CSMD1: variants seen among roughly 807,000 people sequenced by gnomAD.
CSMD1 encodes CUB and Sushi multiple domains 1.
In CSMD1, 213 loss-of-function variants were observed where a neutral mutation model predicts 417.5. The ratio of observed to expected loss-of-function variants is 0.51; its 90% confidence interval spans 0.46 to 0.57. The LOEUF is 0.57. Ranked by LOEUF, CSMD1 falls within the 20% of genes least tolerant of loss-of-function variation. The probability of loss-of-function intolerance (pLI) is 0.00; values close to 1 mark genes in which losing one functional copy is unlikely to be tolerated. For synonymous variants in CSMD1, 2,862 were observed against 1,736.8 expected (o/e 1.65, Z -16.11); for missense variants, 6,923 against 4,529.7 (o/e 1.53, Z -15.17).
chr8:3,348,023 C>T lies in CSMD1; in HGVS notation c.3443G>A (p.Ser1148Asn), dbSNP rs1412556246. ...AGTATCTCCTTCAAACAGCTGGAAG[C>T]TTCGTGTTCTAAGGTGGATGCCCTT... is the stretch of plus-strand genomic sequence containing the variant. ...AGKGIHLRTR[S>N]FQLFEGDTLK... The change falls in exon 22 of 70, where the codon AGC becomes AAC. Residue 1148 changes from serine to asparagine, a missense_variant. Coordinates refer to ENST00000635120, the MANE Select transcript of CSMD1 (RefSeq NM_033225.6). The T allele has an allele frequency of 3.7e-6, 6 of 1,606,306 alleles. No homozygotes were observed. Among genetic ancestry groups the T allele is most frequent in the Non-Finnish European group, 4.3e-6 (5 of 1,176,166 alleles).
chr8:4,640,655 T>C (rs1462256838), intron 1 of CSMD1, among the ~76,000 whole-genome samples: 3 of 152,176 alleles, frequency 2.0e-5, no homozygotes, highest in African/African-American at 7.2e-5. Context: ...AGTGGATTAT[T>C]TTAATTGAAT....
intron 69 of CSMD1, among the ~76,000 whole-genome samples, chr8:2,941,954 G>GA (rs1359752087): frequency 5.3e-5 from 8 of 152,048 alleles, no homozygotes; most frequent in African/African-American, 1.4e-4. Context: ...GAACATGAAA[G>GA]AAAAAAACAT....
At chr8:3,345,423 G>GAACATGGAA (rs1563293715) in intron 22 of CSMD1, among the ~76,000 whole-genome samples, 4 of 151,878 alleles carry the variant, frequency 2.6e-5, no homozygotes, top group African/African-American at 9.7e-5. Context: ...TGTCGTTGAT[G>GAACATGGAA]AACATGGAAC....
chr8:4,385,860 A>T (rs938469367), intron 3 of CSMD1, among the ~76,000 whole-genome samples: 1 of 152,154 alleles, frequency 6.6e-6, no homozygotes, highest in African/African-American at 2.4e-5. Context: ...TGGATATTTA[A>T]AAATATATGC....
chr8:4,259,445 T>A (rs368699791), intron 3 of CSMD1, among the ~76,000 whole-genome samples: 1 of 152,152 alleles, frequency 6.6e-6, no homozygotes, highest in Non-Finnish European at 1.5e-5. Context: ...CCCAGCGCTA[T>A]GAAAATGCCT....
chr8:2,938,780 G>A (rs1346250923), intron 69 of CSMD1, 36 bp from the exon 70 acceptor site: 4 of 1,560,070 alleles, frequency 2.6e-6, no homozygotes, highest in Non-Finnish European at 3.5e-6. Flanking sequence ...TAGAATCCTG[G>A]TTTCATTTGC....
intron 7 of CSMD1, among the ~76,000 whole-genome samples, chr8:3,618,140 C>G (rs1051923837): frequency 5.3e-5 from 8 of 151,978 alleles, no homozygotes; most frequent in Non-Finnish European, 1.0e-4. Context: ...TAGCTGGTAA[C>G]ACAGGCTTGT....
intron 29 of CSMD1, among the ~76,000 whole-genome samples, chr8:3,218,566 T>TAAAAAAA (rs932288704): frequency 7.9e-6 from 1 of 126,690 alleles, no homozygotes; most frequent in Non-Finnish European, 1.6e-5. Flanking sequence ...ATCTCAAAAA[T>TAAAAAAA]AAAAAAAAAA....
chr8:3,687,145 A>G (rs188563313), intron 7 of CSMD1, among the ~76,000 whole-genome samples: 2 of 152,380 alleles, frequency 1.3e-5, no homozygotes, highest in East Asian at 3.9e-4. Flanking sequence ...CAAGCATGAT[A>G]TAAGCATCAC....
intron 5 of CSMD1, among the ~76,000 whole-genome samples, chr8:3,836,316 G>A (rs866698477): frequency 6.6e-6 from 1 of 152,134 alleles, no homozygotes; most frequent in East Asian, 1.9e-4. Flanking sequence ...CAGTTTGCCA[G>A]TTTTGGGTTT....
intron 3 of CSMD1, among the ~76,000 whole-genome samples, chr8:4,349,638 A>G (rs1040795965): frequency 3.3e-5 from 5 of 152,204 alleles, no homozygotes; most frequent in African/African-American, 1.2e-4. Context: ...TCACAATTGC[A>G]TACCTTCATA....
intron 23 of CSMD1, among the ~76,000 whole-genome samples, chr8:3,319,587 T>C (rs1469164730): frequency 2.0e-5 from 3 of 152,168 alleles, no homozygotes; most frequent in East Asian, 3.9e-4. Context: ...CCGCACACAT[T>C]CAACAATAAC....
intron 7 of CSMD1, among the ~76,000 whole-genome samples, chr8:3,629,144 G>C (rs1014573826): frequency 6.6e-6 from 1 of 152,124 alleles, no homozygotes; most frequent in African/African-American, 2.4e-5. Flanking sequence ...AGCAAAGACA[G>C]AAAGAACCCG....
chr8:4,194,220 C>A, intron 3 of CSMD1, among the ~76,000 whole-genome samples: 1 of 152,090 alleles, frequency 6.6e-6, no homozygotes, highest in East Asian at 1.9e-4. Flanking sequence ...TTTCGTCCAG[C>A]AATCAACACT....
intron 3 of CSMD1, among the ~76,000 whole-genome samples, chr8:4,388,511 A>C (rs1803623006): frequency 3.3e-5 from 5 of 151,550 alleles, no homozygotes; most frequent in Admixed American, 1.3e-4. Context: ...GTGAGCATAC[A>C]AAGGGCATAA....
At chr8:4,663,127 G>T (rs902626438) in intron 1 of CSMD1, among the ~76,000 whole-genome samples, 3 of 152,128 alleles carry the variant, frequency 2.0e-5, no homozygotes, top group Non-Finnish European at 4.4e-5. Context: ...AGGACGCCAC[G>T]GAGAAGGGAT....
At chr8:4,495,494 G>A (rs1351098881) in intron 2 of CSMD1, among the ~76,000 whole-genome samples, 1 of 152,038 alleles carries the variant, frequency 6.6e-6, no homozygotes, top group Non-Finnish European at 1.5e-5. Flanking sequence ...AGAATTGCTT[G>A]AACTCAGGAG....
At chr8:4,831,243 C>A (rs1800132762) in intron 1 of CSMD1, among the ~76,000 whole-genome samples, 1 of 152,168 alleles carries the variant, frequency 6.6e-6, no homozygotes. Context: ...GGGAGAATTA[C>A]AAGAGCATAT....
At chr8:4,694,531 G>A (rs112935880) in intron 1 of CSMD1, among the ~76,000 whole-genome samples, 3,340 of 151,232 alleles carry the variant, frequency 0.022, 120 homozygotes, top group African/African-American at 0.077. Flanking sequence ...AATTTTTTTT[G>A]GGGGGGTATT....
Sources: allele counts gnomAD v4.1 joint callset (sites outside exome capture counted in the v4.1 genomes callset), GRCh38; gene constraint gnomAD v4.1.1; transcripts MANE v1.5; gene names NCBI Gene and HGNC (gene_info 2026-07-23, HGNC 2026-07-21).